The following OLFML1 variants were observed in gnomAD, a reference collection of about 807,000 sequenced individuals.
OLFML1 encodes olfactomedin like 1, also known as olfactomedin-like protein 1.
In OLFML1, 33 loss-of-function variants were observed where a neutral mutation model predicts 37.3. The observed-to-expected ratio is 0.88, with a 90% confidence interval of 0.67 to 1.18. OLFML1 has a LOEUF of 1.18. OLFML1 is among the 50% of genes most tolerant of loss of function. The pLI is 0.00. For synonymous variants in OLFML1, 186 were observed against 181.3 expected (o/e 1.03, Z -0.21); for missense variants, 545 against 483.7 (o/e 1.13, Z -1.19).
intron 2 of OLFML1, among the ~76,000 whole-genome samples, chr11:7,508,831 A>G (rs971966042): frequency 6.6e-5 from 10 of 152,228 alleles, no homozygotes. Flanking sequence ...ATTGTAACCT[A>G]AGTACACAGT....
intron 2 of OLFML1, among the ~76,000 whole-genome samples, chr11:7,492,737 C>T (rs1017297169): frequency 7.9e-5 from 12 of 152,260 alleles, no homozygotes; most frequent in African/African-American, 2.9e-4. Flanking sequence ...CCCACTTTCC[C>T]ACTCTCCTTC....
chr11:7,487,008 T>C (rs907473166), intron 1 of OLFML1, among the ~76,000 whole-genome samples: 3 of 152,174 alleles, frequency 2.0e-5, no homozygotes, highest in Admixed American at 2.0e-4. Context: ...TCCTTAGAAG[T>C]GCCAGAATGA....
chr11:7,491,514 G>C (rs1434018049), intron 2 of OLFML1, among the ~76,000 whole-genome samples: 1 of 113,740 alleles, frequency 8.8e-6, no homozygotes, highest in Non-Finnish European at 1.9e-5. Flanking sequence ...GGTGTGATTA[G>C]TGTCTCCTCG....
At chr11:7,488,072 A>T (rs938835290) in intron 1 of OLFML1, 55 bp from the exon 2 acceptor site, 1 of 1,261,384 alleles carries the variant, frequency 7.9e-7, no homozygotes, top group Non-Finnish European at 1.1e-6. Flanking sequence ...TATTTATATT[A>T]TTTGGGTAAT....
Position 7,485,514 on chromosome 11 carries a change from C to T in OLFML1, c.-362C>T, listed in dbSNP as rs533421456. On this transcript the variant is annotated 5_prime_UTR_variant, in exon 1 of 3. Coordinates refer to ENST00000329293, the MANE Select transcript of OLFML1 (RefSeq NM_198474.4). ...GGGAACGGGGGGAAGCCATCTTCACCCCCCACCCCAATGCACACACAATTA... is the reference window on the plus strand; with the variant it reads ...GGGAACGGGGGGAAGCCATCTTCACTCCCCACCCCAATGCACACACAATTA... 144 of 188,360 alleles carry T rather than the reference C, an allele frequency of 7.6e-4. 1 individual carries two copies. Among genetic ancestry groups the T allele is most frequent in the African/African-American group, 2.8e-3 (122 of 42,964 alleles). 11.7% of individuals were successfully genotyped at this position (188,360 alleles called of 1,614,324 possible). A position where few individuals can be genotyped will look rare whatever the true frequency, so the allele number is the denominator to read the frequency against.
At chr11:7,507,099 G>C (rs10743024) in intron 2 of OLFML1, among the ~76,000 whole-genome samples, 90,704 of 151,944 alleles carry the variant, frequency 0.6, 27,411 homozygotes, top group African/African-American at 0.61. Context: ...TAGACTGGGA[G>C]GAGTTGACAG....
intron 2 of OLFML1, among the ~76,000 whole-genome samples, chr11:7,500,934 GC>G (rs899801896): frequency 6.6e-6 from 1 of 152,054 alleles, no homozygotes; most frequent in Non-Finnish European, 1.5e-5. Flanking sequence ...AATGTAAAGT[GC>G]CTAGCCCAGT....
At chr11:7,495,248 T>C (rs1312289621) in intron 2 of OLFML1, among the ~76,000 whole-genome samples, 5 of 152,164 alleles carry the variant, frequency 3.3e-5, no homozygotes, top group Non-Finnish European at 5.9e-5. Flanking sequence ...GGCTTTATCC[T>C]ATATTGCCAC....
At chr11:7,489,232 T>C (rs1375673836) in intron 2 of OLFML1, among the ~76,000 whole-genome samples, 1 of 152,204 alleles carries the variant, frequency 6.6e-6, no homozygotes, top group Non-Finnish European at 1.5e-5. Context: ...ACCTTCTCAA[T>C]GTAATCCTTC....
chr11:7,490,942 CAATT>C (rs1213727712), intron 2 of OLFML1, among the ~76,000 whole-genome samples: 2 of 151,992 alleles, frequency 1.3e-5, no homozygotes, highest in Non-Finnish European at 1.5e-5. Flanking sequence ...CATTTACCAT[CAATT>C]ATCAACAACA....
intron 2 of OLFML1, 126 bp from the exon 3 acceptor site, chr11:7,509,272 C>A: frequency 1.4e-6 from 1 of 703,042 alleles, no homozygotes; most frequent in Non-Finnish European, 2.4e-6. Flanking sequence ...CACAGTAGAA[C>A]TGAAAATATT....
At chr11:7,494,829 A>T (rs111838690) in intron 2 of OLFML1, among the ~76,000 whole-genome samples, 6 of 152,202 alleles carry the variant, frequency 3.9e-5, no homozygotes, top group African/African-American at 9.6e-5. Context: ...TGATCTTATC[A>T]TGGGTCACAG....
At position 7,488,348 on chromosome 11, in the gene OLFML1, G is replaced by C. The variant is rs1389083390; in HGVS notation, c.351G>C (p.Lys117Asn). Reference protein sequence around the residue: ...EADECIESEDKTLAEMLLQEA... With the variant: ...EADECIESEDNTLAEMLLQEA... Reference sequence around the variant, plus strand: ...ACGAGTGCATCGAATCAGAGGACAAGACACTGGCAGAAATGTTGCTCCAAG... The same window carrying C: ...ACGAGTGCATCGAATCAGAGGACAACACACTGGCAGAAATGTTGCTCCAAG... Residue 117 changes from lysine (K) to asparagine (N), a missense_variant, in exon 2 of 3, where the codon AAG (lysine) becomes AAC (asparagine). Physicochemically the swap from Lys to Asn is moderately conservative, Grantham distance 94. Transcript: ENST00000329293. 1 of 1,613,936 alleles carries C rather than the reference G, an allele frequency of 6.2e-7. No homozygotes were observed. The highest frequency in any genetic ancestry group is 8.5e-7 in the Non-Finnish European group (1 of 1,179,980).
chr11:7,510,044 C>G lies in OLFML1; in HGVS notation c.1065C>G (p.Asp355Glu). ...CACTGGGCACTATCAGTGAGGAGGACTTGCCCAACTTGTTCTTCCCCAAGA... is the reference window on the plus strand; with the variant it reads ...CACTGGGCACTATCAGTGAGGAGGAGTTGCCCAACTTGTTCTTCCCCAAGA... The part of the protein sequence containing the change: ...YDPLGTISEE[D>E]LPNLFFPKRP... The change falls in exon 3 of 3, where the codon GAC (aspartate) becomes GAG (glutamate). Residue 355 changes from aspartate (D) to glutamate (E), a missense_variant. Coordinates refer to ENST00000329293, the MANE Select transcript of OLFML1 (RefSeq NM_198474.4). 1 of 1,614,246 alleles carries G rather than the reference C, an allele frequency of 6.2e-7. No homozygotes were observed. Among genetic ancestry groups the G allele is most frequent in the East Asian group, 2.2e-5 (1 of 44,894 alleles).
chr11:7,491,125 T>C (rs1178151398), intron 2 of OLFML1, among the ~76,000 whole-genome samples: 3 of 149,016 alleles, frequency 2.0e-5, no homozygotes, highest in African/African-American at 2.4e-5. Flanking sequence ...ATATATATTA[T>C]ATATAATTAA....
chr11:7,485,512 A>T lies in OLFML1; in HGVS notation c.-364A>T, dbSNP rs1590055262. The T allele has an allele frequency of 1.1e-5, 2 of 185,580 alleles. No homozygotes were observed. Among genetic ancestry groups the T allele is most frequent in the African/African-American group, 4.7e-5 (2 of 42,690 alleles). 11.5% of individuals were successfully genotyped at this position (185,580 alleles called of 1,614,324 possible). A position where few individuals can be genotyped will look rare whatever the true frequency, so the allele number is the denominator to read the frequency against. ...AAGGGAACGGGGGGAAGCCATCTTC[A>T]CCCCCCACCCCAATGCACACACAAT... On this transcript the variant is annotated 5_prime_UTR_variant, in exon 1 of 3. Coordinates refer to ENST00000329293, the MANE Select transcript of OLFML1 (RefSeq NM_198474.4).
chr11:7,495,004 G>A (rs1201838490), intron 2 of OLFML1, among the ~76,000 whole-genome samples: 1 of 152,120 alleles, frequency 6.6e-6, no homozygotes, highest in Non-Finnish European at 1.5e-5. Flanking sequence ...TAAAACTCCT[G>A]TGTTTTCCCC....
intron 2 of OLFML1, 34 bp from the exon 3 acceptor site, chr11:7,509,357 TGTTTATA>T: frequency 6.7e-7 from 1 of 1,487,752 alleles, no homozygotes; most frequent in South Asian, 1.3e-5. Flanking sequence ...AGACAGCTCA[TGTTTATA>T]AAGTAATCTC....
rs1185687420 is a variant in OLFML1 at position 7,510,290 on chromosome 11, C to T, written c.*102C>T. 1.1e-6 allele frequency: 1 copy of T among 922,910 alleles called. No homozygotes were observed. The highest frequency in any genetic ancestry group is 1.6e-6 in the Non-Finnish European group (1 of 628,186). The allele number at this position is 922,910 out of a possible 1,614,324, so 57.2% of individuals were successfully genotyped here. A position where few individuals can be genotyped will look rare whatever the true frequency, so the allele number is the denominator to read the frequency against. On this transcript the variant is annotated 3_prime_UTR_variant, in exon 3 of 3. Coordinates refer to ENST00000329293, the MANE Select transcript of OLFML1 (RefSeq NM_198474.4). ...AATATAGTATCCCTCTAATCACACA[C>T]AGGAAGAGTGTGTAGAAGTGGAAAT...
Sources: gnomAD v4.1 joint callset for allele counts (sites outside exome capture counted in the v4.1 genomes callset) on GRCh38, gnomAD v4.1.1 for gene constraint, MANE v1.5 for transcripts, NCBI Gene and HGNC (gene_info 2026-07-23, HGNC 2026-07-21) for gene names.